Variants in LPAR1 observed in about 807,000 individuals in gnomAD.
LPAR1 encodes lysophosphatidic acid receptor 1.
Under a neutral mutation model 23.8 loss-of-function variants are expected in LPAR1, and 5 were observed. The observed-to-expected ratio is 0.21, with a 90% CI of 0.11 to 0.44. The LOEUF is 0.44. Among genes scored for constraint, LPAR1 ranks in the 20% least tolerant of loss-of-function variants. LPAR1 has a pLI of 0.99. For missense variants in LPAR1, 311 were observed against 482.8 expected, an observed-to-expected ratio of 0.64 and a Z score of 3.33; for synonymous variants, 160 against 164.7, an observed-to-expected ratio of 0.97 and a Z score of 0.22.
intron 5 of LPAR1, among the ~76,000 whole-genome samples, chr9:110,886,420 G>GAAAA (rs5899920): frequency 5.1e-5 from 6 of 117,146 alleles, no homozygotes; most frequent in Admixed American, 9.4e-5. Flanking sequence ...ATAACCAAAG[G>GAAAA]AAAAAAAAAA....
At chr9:110,907,424 A>AGTCTT (rs2091510472) in intron 5 of LPAR1, among the ~76,000 whole-genome samples, 1 of 152,178 alleles carries the variant, frequency 6.6e-6, no homozygotes, top group Non-Finnish European at 1.5e-5. Context: ...AATAAACTAT[A>AGTCTT]AGAATAAAGA....
At chr9:110,888,906 T>A (rs1269798660) in intron 5 of LPAR1, among the ~76,000 whole-genome samples, 1 of 152,166 alleles carries the variant, frequency 6.6e-6, no homozygotes, top group East Asian at 1.9e-4. Flanking sequence ...AGGACACTGA[T>A]GACAGTTCAG....
intron 2 of LPAR1, among the ~76,000 whole-genome samples, chr9:110,987,017 T>C (rs1269393557): frequency 6.6e-6 from 1 of 152,150 alleles, no homozygotes; most frequent in African/African-American, 2.4e-5. Context: ...GTAACCTTTC[T>C]GGAATGCTAA....
intron 4 of LPAR1, among the ~76,000 whole-genome samples, chr9:110,964,325 A>G (rs910328675): frequency 4.6e-5 from 7 of 152,218 alleles, no homozygotes; most frequent in Non-Finnish European, 1.0e-4. Context: ...AACTACAAGA[A>G]CACATTTTAG....
intron 2 of LPAR1, among the ~76,000 whole-genome samples, chr9:111,016,813 T>C (rs1276779555): frequency 6.6e-6 from 1 of 152,258 alleles, no homozygotes; most frequent in Non-Finnish European, 1.5e-5. Flanking sequence ...AGTGAGCTGC[T>C]TGTCTGAACT....
chr9:111,022,773 G>A (rs947683143), intron 2 of LPAR1, among the ~76,000 whole-genome samples: 1 of 151,870 alleles, frequency 6.6e-6, no homozygotes, highest in Non-Finnish European at 1.5e-5. Context: ...TGCTATTGCC[G>A]GGCGCGGTGG....
In LPAR1 at chr9:111,023,041, A is replaced by G. The variant is rs2097589521; in HGVS notation, c.-182+13081T>C. 3.4e-5 allele frequency among the ~76,000 whole-genome samples: 4 copies of G among 119,242 alleles called. 1 individual carries two copies. In the South Asian group the frequency reaches 1.2e-3, roughly 35 times the overall value. The allele number at this position is 119,242 out of a possible 152,430, so 78.2% of individuals were successfully genotyped here. ...ACTCCAGCCTGGGTGACACAGCAAG[A>G]CTCCGTCTCAACAAAAAAAAAAAAA... On this transcript the variant is annotated intron_variant, in intron 2 of 5. Transcript: ENST00000683809.
chr9:110,971,308 T>G (rs2096412569), intron 4 of LPAR1, among the ~76,000 whole-genome samples: 1 of 152,134 alleles, frequency 6.6e-6, no homozygotes, highest in Non-Finnish European at 1.5e-5. Flanking sequence ...AACCATCATG[T>G]GAGGAATGAT....
chr9:111,025,227 T>C (rs1267853799), intron 2 of LPAR1, among the ~76,000 whole-genome samples: 1 of 152,220 alleles, frequency 6.6e-6, no homozygotes, highest in African/African-American at 2.4e-5. Flanking sequence ...TCCTGACTTT[T>C]TAATGATTGC....
intron 2 of LPAR1, among the ~76,000 whole-genome samples, chr9:111,019,905 A>G (rs1490604907): frequency 6.6e-6 from 1 of 152,214 alleles, no homozygotes; most frequent in Admixed American, 6.5e-5. Flanking sequence ...TCATAATTCT[A>G]GAGGCTAGAA....
intron 5 of LPAR1, among the ~76,000 whole-genome samples, chr9:110,890,909 TTACAAG>T (rs2083950250): frequency 6.6e-6 from 1 of 151,856 alleles, no homozygotes; most frequent in Non-Finnish European, 1.5e-5. Context: ...CAAAATATAA[TTACAAG>T]TACAACACTT....
chr9:110,905,332 C>A lies in LPAR1; in HGVS notation c.794-29610G>T, dbSNP rs1183814269. ...GAAATGCATTTAAAACAAAATATGC[C>A]TTTGCTTTTTTTTATTATTTTTTTT... On this transcript the variant is annotated intron_variant, in intron 5 of 5. Coordinates refer to ENST00000683809, the MANE Select transcript of LPAR1 (RefSeq NM_001351411.2). Among the ~76,000 whole-genome samples, 3 of 142,148 alleles carry A rather than the reference C, an allele frequency of 2.1e-5. No homozygotes were observed. In the East Asian group the frequency reaches 5.8e-4, roughly 28 times the overall value. The allele number at this position is 142,148 out of a possible 152,430, so 93.3% of individuals were successfully genotyped here. A position where few individuals can be genotyped will look rare whatever the true frequency, so the allele number is the denominator to read the frequency against.
chr9:110,947,172 T>G (rs184528098), intron 4 of LPAR1, among the ~76,000 whole-genome samples: 3 of 152,288 alleles, frequency 2.0e-5, no homozygotes, highest in Middle Eastern at 3.4e-3. Context: ...TAGCTCATAT[T>G]TATTGCAAGA....
At chr9:110,922,654 T>G (rs899269961) in intron 5 of LPAR1, among the ~76,000 whole-genome samples, 3 of 151,976 alleles carry the variant, frequency 2.0e-5, no homozygotes, top group African/African-American at 4.8e-5. Flanking sequence ...TAAATGAAAC[T>G]GTTAGGTATT....
intron 3 of LPAR1, among the ~76,000 whole-genome samples, chr9:110,972,624 G>T (rs78491769): frequency 1.3e-3 from 202 of 152,268 alleles, no homozygotes; most frequent in African/African-American, 4.7e-3. Context: ...TCTGAGGAGT[G>T]GATTCTAAGC....
chr9:110,916,002 A>C (rs1416364165), intron 5 of LPAR1, among the ~76,000 whole-genome samples: 5 of 75,724 alleles, frequency 6.6e-5, no homozygotes, highest in African/African-American at 1.8e-4. Flanking sequence ...ACAGTGATAT[A>C]ACCTTATGGT....
At chr9:110,935,732 C>G (rs1238382284) in intron 5 of LPAR1, among the ~76,000 whole-genome samples, 2 of 152,208 alleles carry the variant, frequency 1.3e-5, no homozygotes, top group South Asian at 2.1e-4. Context: ...AGATTCCCAA[C>G]AGTTAGTGCC....
chr9:110,955,354 A>T (rs2095702509), intron 4 of LPAR1, among the ~76,000 whole-genome samples: 1 of 152,210 alleles, frequency 6.6e-6, no homozygotes, highest in African/African-American at 2.4e-5. Flanking sequence ...GTCATTACAT[A>T]ACGATAAAGG....
chr9:110,914,976 A>G (rs1031554034), intron 5 of LPAR1, among the ~76,000 whole-genome samples: 14 of 152,152 alleles, frequency 9.2e-5, no homozygotes, highest in African/African-American at 3.4e-4. Flanking sequence ...TTAAAAAAAA[A>G]AAGAATTTAA....
Sources: gnomAD v4.1 joint callset for allele counts (sites outside exome capture counted in the v4.1 genomes callset) on GRCh38, gnomAD v4.1.1 for gene constraint, MANE v1.5 for transcripts, NCBI Gene and HGNC (gene_info 2026-07-23, HGNC 2026-07-21) for gene names.